Variants in DNAH14 observed in about 807,000 individuals in gnomAD.
DNAH14 encodes the protein axonemal beta dynein heavy chain 14.
DNAH14 carries 478 observed loss-of-function variants against 520.9 expected under a neutral mutation model. The observed-to-expected ratio is 0.92, with a 90% confidence interval of 0.85 to 0.99. The LOEUF is 0.99. Ranked by LOEUF, DNAH14 falls within the 50% of genes least tolerant of loss-of-function variation. The pLI is 0.00. For synonymous variants in DNAH14, 1,581 were observed against 1,757.2 expected (o/e 0.90, Z 2.51); for missense variants, 4,831 against 5,234.5 (o/e 0.92, Z 2.38).
chr1:225,182,068 A>G (rs1381631238), intron 36 of DNAH14, among the ~76,000 whole-genome samples: 1 of 152,116 alleles, frequency 6.6e-6, no homozygotes, highest in African/African-American at 2.4e-5. Context: ...GCATGATGGC[A>G]TGCGCCTGTA....
chr1:225,201,518 T>C (rs2086819800), intron 38 of DNAH14, among the ~76,000 whole-genome samples: 1 of 152,176 alleles, frequency 6.6e-6, no homozygotes, highest in Non-Finnish European at 1.5e-5. Context: ...GGTCTAGGAC[T>C]CAAGACTGTT....
At chr1:225,145,210 C>T (rs1368080455) in intron 29 of DNAH14, 116 bp from the exon 30 acceptor site, 1 of 694,294 alleles carries the variant, frequency 1.4e-6, no homozygotes, top group Non-Finnish European at 2.3e-6. Flanking sequence ...TTTAATTCAT[C>T]TCCATATTGC....
At chr1:225,390,873 A>G (rs2095900861) in intron 83 of DNAH14, among the ~76,000 whole-genome samples, 1 of 152,124 alleles carries the variant, frequency 6.6e-6, no homozygotes, top group African/African-American at 2.4e-5. Flanking sequence ...GCCCCAAGTC[A>G]TATCACTAGC....
chr1:224,967,340 A>G (rs1461614222), intron 5 of DNAH14, 91 bp from the exon 6 acceptor site: 2 of 873,496 alleles, frequency 2.3e-6, no homozygotes, highest in Non-Finnish European at 3.2e-6. Flanking sequence ...AATTGTTTCA[A>G]TTTAGTGGGT....
chr1:225,273,463 T>C (rs2093371087), intron 52 of DNAH14, among the ~76,000 whole-genome samples: 1 of 152,188 alleles, frequency 6.6e-6, no homozygotes, highest in Admixed American at 6.5e-5. Flanking sequence ...CAAAATTGTT[T>C]TAAGTGGATT....
chr1:225,066,667 G>A (rs898108546), intron 17 of DNAH14, among the ~76,000 whole-genome samples: 1 of 151,114 alleles, frequency 6.6e-6, no homozygotes, highest in African/African-American at 2.4e-5. Context: ...CTTCCCACCT[G>A]AGTCCCAAAG....
At chr1:225,323,978 G>T (rs891779150) in intron 62 of DNAH14, among the ~76,000 whole-genome samples, 2 of 151,968 alleles carry the variant, frequency 1.3e-5, no homozygotes, top group African/African-American at 4.8e-5. Context: ...ACCATGCACA[G>T]CTAATTTTTG....
intron 19 of DNAH14, 27 bp downstream of exon 19, chr1:225,080,775 C>T (rs893551986): frequency 2.7e-6 from 4 of 1,484,910 alleles, no homozygotes; most frequent in South Asian, 2.9e-5. Flanking sequence ...CAAATTTTCC[C>T]ACCTAGGTCT....
At chr1:225,300,816 G>A in intron 55 of DNAH14, 53 bp from the exon 56 acceptor site, 1 of 1,512,286 alleles carries the variant, frequency 6.6e-7, no homozygotes, top group East Asian at 2.5e-5. Context: ...TGTGGTTAGG[G>A]TAGAATATAT....
At chr1:225,103,161 G>T (rs562682630) in intron 23 of DNAH14, among the ~76,000 whole-genome samples, 46 of 152,194 alleles carry the variant, frequency 3.0e-4, no homozygotes, top group African/African-American at 1.0e-3. Flanking sequence ...TTTCCACATT[G>T]CTTGTTTTTA....
At chr1:225,017,300 T>C (rs914907523) in intron 10 of DNAH14, among the ~76,000 whole-genome samples, 1 of 152,262 alleles carries the variant, frequency 6.6e-6, no homozygotes, top group Non-Finnish European at 1.5e-5. Context: ...TTAAATACAG[T>C]ATGAGCATGT....
chr1:225,292,099 G>C (rs2150009592), intron 55 of DNAH14, among the ~76,000 whole-genome samples: 1 of 152,114 alleles, frequency 6.6e-6, no homozygotes, highest in South Asian at 2.1e-4. Flanking sequence ...ATGCTTTTTA[G>C]TTTGATATAA....
At chr1:225,282,606 A>G (rs1019268750) in intron 54 of DNAH14, among the ~76,000 whole-genome samples, 3 of 152,320 alleles carry the variant, frequency 2.0e-5, no homozygotes, top group East Asian at 1.9e-4. Context: ...GCCAGTTACT[A>G]TTGTTAGCAA....
chr1:225,080,926 C>T (rs1257005996), intron 19 of DNAH14, among the ~76,000 whole-genome samples, 178 bp downstream of exon 19: 2 of 152,058 alleles, frequency 1.3e-5, no homozygotes, highest in African/African-American at 2.4e-5. Context: ...AGATTAAGTC[C>T]TTGTCAAAAA....
At chr1:225,160,320 T>A (rs995451065) in intron 35 of DNAH14, among the ~76,000 whole-genome samples, 7 of 152,190 alleles carry the variant, frequency 4.6e-5, no homozygotes, top group Non-Finnish European at 8.8e-5. Context: ...AAAAAAATAC[T>A]TTTAAAATTT....
chr1:225,253,774 C>T (rs1340230413), intron 44 of DNAH14, among the ~76,000 whole-genome samples: 1 of 152,032 alleles, frequency 6.6e-6, no homozygotes, highest in Non-Finnish European at 1.5e-5. Flanking sequence ...TCTTTAATAG[C>T]ATGGTGGGAA....
chr1:225,129,324 G>A (rs920875169), intron 27 of DNAH14, among the ~76,000 whole-genome samples: 106 of 152,092 alleles, frequency 7.0e-4, no homozygotes, highest in African/African-American at 2.5e-3. Context: ...CTACTTTAAA[G>A]TTCTTATGGA....
intron 36 of DNAH14, among the ~76,000 whole-genome samples, chr1:225,174,172 C>T (rs770038113): frequency 8.6e-5 from 13 of 152,004 alleles, no homozygotes; most frequent in Non-Finnish European, 7.4e-5. Context: ...AATGACGAGT[C>T]GATGGGTACA....
chr1:225,229,890 A>G lies in DNAH14; in HGVS notation c.6440-1183A>G, dbSNP rs183249838. Among the ~76,000 whole-genome samples the G allele has an allele frequency of 2.0e-5, 3 of 152,320 alleles. No homozygotes were observed. The East Asian group carries it at 5.8e-4, about 29-fold the overall frequency. On this transcript the variant is annotated intron_variant, in intron 41 of 85. Transcript: ENST00000682510. ...TGTAACAAACCTGCACATTCTGCACATGTATCCCAGAACTTAAAGTATAAT... is the reference window on the plus strand; with the variant it reads ...TGTAACAAACCTGCACATTCTGCACGTGTATCCCAGAACTTAAAGTATAAT...
Sources: allele counts gnomAD v4.1 joint callset (sites outside exome capture counted in the v4.1 genomes callset), GRCh38; gene constraint gnomAD v4.1.1; transcripts MANE v1.5; gene names NCBI Gene and HGNC (gene_info 2026-07-23, HGNC 2026-07-21).